DGLUCY: variants seen among roughly 807,000 people sequenced by gnomAD.
The protein encoded by DGLUCY is D-glutamate cyclase.
In DGLUCY, 58 loss-of-function variants were observed where a neutral mutation model predicts 58.5. The ratio of observed to expected loss-of-function variants is 0.99; its 90% CI spans 0.80 to 1.23. The LOEUF is 1.23. Ranked by LOEUF, DGLUCY falls within the 50% of genes most tolerant of loss-of-function variation. DGLUCY has a pLI of 0.00. For synonymous variants in DGLUCY, 325 were observed against 314.1 expected (o/e 1.03, Z -0.37); for missense variants, 779 against 784.7 (o/e 0.99, Z 0.09).
chr14:91,064,379 T>A (rs541389445), intron 1 of DGLUCY, among the ~76,000 whole-genome samples: 1 of 151,940 alleles, frequency 6.6e-6, no homozygotes, highest in East Asian at 1.9e-4. Flanking sequence ...GCCTGTAATC[T>A]CAGCACTTTG....
chr14:91,188,790 C>CT lies in DGLUCY; in HGVS notation c.935-119dup, dbSNP rs148738202. 8,886 of 1,181,040 alleles carry CT rather than the reference C, an allele frequency of 7.5e-3. 51 individuals are homozygous for CT. Among genetic ancestry groups the CT allele is most frequent in the Non-Finnish European group, 8.7e-3 (7,476 of 862,500 alleles). 73.2% of individuals were successfully genotyped at this position (1,181,040 alleles called of 1,614,324 possible). The stretch of plus-strand genomic sequence containing the variant: ...GCTGCAGTGAGCTGTGATCACGCCA[C>CT]TGCCTTCCAGCCTGGATGACAGAGC... On this transcript the variant is annotated intron_variant, in intron 8 of 13. Coordinates refer to ENST00000256324, the MANE Select transcript of DGLUCY (RefSeq NM_001102368.3).
At chr14:91,077,066 G>A (rs1024409923) in intron 1 of DGLUCY, among the ~76,000 whole-genome samples, 3 of 152,076 alleles carry the variant, frequency 2.0e-5, no homozygotes, top group African/African-American at 7.2e-5. Flanking sequence ...AACATCGTGA[G>A]AGCCTGTCTC....
rs947571170 is a variant in DGLUCY at position 91,201,134 on chromosome 14, T to A, written c.1444+1229T>A. Reference sequence around the variant, plus strand: ...TATTGTCACAAAGTCAATTGATCAGTTAGGGTAGGGCAGGAACAAATCACG... The same window carrying A: ...TATTGTCACAAAGTCAATTGATCAGATAGGGTAGGGCAGGAACAAATCACG... On this transcript the variant is annotated intron_variant, in intron 11 of 13. Transcript: ENST00000256324. Among the ~76,000 whole-genome samples the A allele has an allele frequency of 2.0e-5, 3 of 151,812 alleles. No homozygotes were observed. The East Asian group carries it at 5.8e-4, about 29-fold the overall frequency.
At chr14:91,102,787 T>TGTGTGTGTGTGTGTGTGTGTGTGTG (rs1159135941) in intron 1 of DGLUCY, among the ~76,000 whole-genome samples, 3 of 37,046 alleles carry the variant, frequency 8.1e-5, no homozygotes, top group Admixed American at 2.7e-4. Context: ...GTGTGTGTGT[T>TGTGTGTGTGTGTGTGTGTGTGTGTG]TGAGACTGAG....
Position 91,181,385 on chromosome 14 carries a change from C to T in DGLUCY, c.930C>T (p.Asp310=), listed in dbSNP as rs1402972938. The change falls in exon 8 of 14, where the codon GAC becomes GAT. Residue 310 remains aspartate (D), a synonymous_variant. Transcript: ENST00000256324. The part of the protein sequence containing the change: ...IRELESMIGI[D]PGNRGIGHLL... ...AACTAGAGTCTATGATCGGCATAGA[C>T]CCAGGTAAGAAACAACACATTTGCT... The T allele has an allele frequency of 1.2e-6, 2 of 1,612,514 alleles. No individual in the cohort carries two copies. Among genetic ancestry groups the T allele is most frequent in the Non-Finnish European group, 8.5e-7 (1 of 1,179,504 alleles).
rs764658764 is a variant in DGLUCY, at chr14:91,167,253, G to A, written c.132G>A (p.Leu44=). 5.0e-6 allele frequency: 8 copies of A among 1,610,646 alleles called. No individual in the cohort carries two copies. In the East Asian group the frequency reaches 1.1e-4, roughly 22 times the overall value. ...GELRPASLVV[L]PRSLAPAFER... ...TCCGACCAGCCAGCCTGGTGGTCCTGCCCAGGTCCCTTGCTCCAGCTTTTG... is the reference window on the plus strand; with the variant it reads ...TCCGACCAGCCAGCCTGGTGGTCCTACCCAGGTCCCTTGCTCCAGCTTTTG... The change falls in exon 4 of 14, where the codon CTG becomes CTA. Residue 44 remains leucine, a synonymous_variant. Transcript: ENST00000256324.
chr14:91,221,824 G>A (rs1299777313), intron 13 of DGLUCY, among the ~76,000 whole-genome samples: 2 of 152,020 alleles, frequency 1.3e-5, no homozygotes, highest in Admixed American at 1.3e-4. Context: ...TTTTACATAA[G>A]TATACACCCT....
intron 1 of DGLUCY, among the ~76,000 whole-genome samples, chr14:91,102,731 C>A (rs2044509049): frequency 1.3e-5 from 1 of 79,904 alleles, no homozygotes; most frequent in Non-Finnish European, 3.0e-5. Flanking sequence ...GCTGGGACCC[C>A]TTCCAGTGTG....
intron 12 of DGLUCY, among the ~76,000 whole-genome samples, chr14:91,214,028 G>A (rs753826894): frequency 1.7e-5 from 1 of 58,024 alleles, no homozygotes; most frequent in African/African-American, 7.3e-5. Context: ...TATTTTTTTT[G>A]TTTGTTTTTC....
chr14:91,215,522 AGGCCT>A lies in DGLUCY; in HGVS notation c.1685_1689del (p.Ala562AspfsTer9). 1 of 1,613,992 alleles carries A rather than the reference AGGCCT, an allele frequency of 6.2e-7. No homozygotes were observed. Among genetic ancestry groups the A allele is most frequent in the Non-Finnish European group, 8.5e-7 (1 of 1,179,818 alleles). ...GGACCCTCCAGGGCACCTGGAGATC[AGGCCT>A]GGACTCAGGCCCTCCCGTCGGTCAT... On this transcript the variant is annotated frameshift_variant, in exon 13 of 14. Transcript: ENST00000256324. LOFTEE classifies it low-confidence loss of function (END_TRUNC).
At chr14:91,206,815 G>A (rs897037883) in intron 12 of DGLUCY, among the ~76,000 whole-genome samples, 2 of 152,102 alleles carry the variant, frequency 1.3e-5, no homozygotes, top group Admixed American at 6.6e-5. Flanking sequence ...CAGAAATGAC[G>A]GGATTATCAG....
chr14:91,133,189 G>C (rs1037435527), intron 1 of DGLUCY, among the ~76,000 whole-genome samples: 1 of 151,950 alleles, frequency 6.6e-6, no homozygotes, highest in Non-Finnish European at 1.5e-5. Context: ...CAGCTACTTG[G>C]GGGGCTGAGG....
At chr14:91,094,101 A>G (rs1194301431) in intron 1 of DGLUCY, among the ~76,000 whole-genome samples, 1 of 152,170 alleles carries the variant, frequency 6.6e-6, no homozygotes, top group Non-Finnish European at 1.5e-5. Context: ...AGTGCATCTT[A>G]TGTTATGTGC....
At position 91,199,854 on chromosome 14, in the gene DGLUCY, A is replaced by G. The variant is rs373641510; in HGVS notation, c.1393A>G (p.Ile465Val). The change falls in exon 11 of 14, where the codon ATT becomes GTT. Residue 465 changes from isoleucine to valine, a missense_variant. Coordinates refer to ENST00000256324, the MANE Select transcript of DGLUCY (RefSeq NM_001102368.3). ...GAACATCAAGCACTTGGTTGACCCC[A>G]TTGACGATCTTTTTCTTGCTGCGAA... ...KMNIKHLVDP[I>V]DDLFLAAKKI... The G allele has an allele frequency of 1.9e-6, 3 of 1,614,112 alleles. No individual in the cohort carries two copies. The highest frequency in any genetic ancestry group is 1.7e-5 in the Admixed American group (1 of 60,008).
intron 1 of DGLUCY, among the ~76,000 whole-genome samples, chr14:91,085,548 CTTTGTTTTTTT>C (rs1393433482): frequency 5.8e-4 from 86 of 147,502 alleles, no homozygotes; most frequent in African/African-American, 1.7e-3. Context: ...GCTCAAGTTC[CTTTGTTTTTTT>C]TTTGTTTTTT....
At chr14:91,209,269 A>G (rs1309454830) in intron 12 of DGLUCY, among the ~76,000 whole-genome samples, 1 of 151,922 alleles carries the variant, frequency 6.6e-6, no homozygotes, top group Non-Finnish European at 1.5e-5. Context: ...TCTCAAAACA[A>G]CAACAACGAC....
chr14:91,119,644 A>C (rs1302620057), intron 1 of DGLUCY, among the ~76,000 whole-genome samples: 2 of 152,146 alleles, frequency 1.3e-5, no homozygotes, highest in African/African-American at 2.4e-5. Flanking sequence ...GTGATGGCTT[A>C]ATGTTGAGTG....
upstream of DGLUCY, among the ~76,000 whole-genome samples, chr14:91,113,711 C>A (rs1258691183): frequency 2.0e-5 from 3 of 152,200 alleles, no homozygotes; most frequent in African/African-American, 7.2e-5. Context: ...CCTAGATCTT[C>A]TGGATCAAGC....
intron 3 of DGLUCY, among the ~76,000 whole-genome samples, chr14:91,161,810 ATTT>A (rs3028460): frequency 0.15 from 22,486 of 147,856 alleles, 2,301 homozygotes; most frequent in African/African-American, 0.3. Context: ...GATTTTTGCC[ATTT>A]TTTTTTTTTT....
Sources: gnomAD v4.1 joint callset for allele counts (sites outside exome capture counted in the v4.1 genomes callset) on GRCh38, gnomAD v4.1.1 for gene constraint, MANE v1.5 for transcripts, NCBI Gene and HGNC (gene_info 2026-07-23, HGNC 2026-07-21) for gene names.